SLC44A1: variants seen among roughly 807,000 people sequenced by gnomAD.
The protein encoded by SLC44A1 is solute carrier family 44 member 1, also known as choline transporter-like protein 1.
Under a neutral mutation model 79.3 loss-of-function variants are expected in SLC44A1, and 26 were observed. The observed-to-expected ratio is 0.33, with a 90% CI of 0.24 to 0.46. The LOEUF is 0.46. SLC44A1 is among the 20% of genes least tolerant of loss of function. The pLI, the probability that SLC44A1 is intolerant of heterozygous loss-of-function variation, is 1.00. For synonymous variants in SLC44A1, 263 were observed against 286.2 expected (o/e 0.92, Z 0.82); for missense variants, 688 against 798.1 (o/e 0.86, Z 1.66).
chr9:105,365,021 A>G (rs1016439420), intron 10 of SLC44A1, among the ~76,000 whole-genome samples: 5 of 152,220 alleles, frequency 3.3e-5, no homozygotes, highest in African/African-American at 1.2e-4. Context: ...TTTGCTTTAT[A>G]TAAAAGTCCA....
chr9:105,361,068 A>T, intron 7 of SLC44A1, 123 bp from the exon 8 acceptor site: 1 of 960,872 alleles, frequency 1.0e-6, no homozygotes, highest in South Asian at 1.4e-5. Context: ...CTTCCCAGCC[A>T]AATGGATTGT....
chr9:105,403,841 G>C (rs1338139563), intron 15 of SLC44A1, among the ~76,000 whole-genome samples: 2 of 98,348 alleles, frequency 2.0e-5, no homozygotes, highest in East Asian at 3.4e-4. Flanking sequence ...TGTAGGTGTG[G>C]GGACATGAAA....
At chr9:105,305,781 CAGTT>C (rs1454985424) in intron 2 of SLC44A1, among the ~76,000 whole-genome samples, 1 of 149,962 alleles carries the variant, frequency 6.7e-6, no homozygotes, top group African/African-American at 2.5e-5. Flanking sequence ...CTGCTTTGCT[CAGTT>C]ACTTAGTAAA....
At chr9:105,435,610 A>G (rs1829454137) in intron 15 of SLC44A1, among the ~76,000 whole-genome samples, 1 of 152,178 alleles carries the variant, frequency 6.6e-6, no homozygotes, top group Non-Finnish European at 1.5e-5. Context: ...GGCAGGAACT[A>G]GCTGTTTCTT....
chr9:105,404,879 A>G (rs889909269), intron 15 of SLC44A1, among the ~76,000 whole-genome samples: 38 of 152,232 alleles, frequency 2.5e-4, no homozygotes, highest in Non-Finnish European at 2.6e-4. Context: ...GTCATGTTTT[A>G]TAGGGATTGT....
intron 3 of SLC44A1, among the ~76,000 whole-genome samples, chr9:105,325,609 A>G (rs1052628588): frequency 6.6e-6 from 1 of 152,124 alleles, no homozygotes; most frequent in South Asian, 2.1e-4. Flanking sequence ...AAAGCCACCA[A>G]TTCCCCTCCC....
chr9:105,429,401 C>G (rs770566813), intron 15 of SLC44A1, among the ~76,000 whole-genome samples: 1 of 152,118 alleles, frequency 6.6e-6, no homozygotes, highest in Non-Finnish European at 1.5e-5. Flanking sequence ...CTTCTTGGCT[C>G]AAGCCATCCT....
At position 105,393,225 on chromosome 9, in the gene SLC44A1, T is replaced by G. The variant is rs910443092; in HGVS notation, c.*4169T>G. On this transcript the variant is annotated 3_prime_UTR_variant, in exon 16 of 16. Coordinates refer to ENST00000374720, the MANE Select transcript of SLC44A1 (RefSeq NM_080546.5). ...GCTTTAAATGCATATTCATGTATCT[T>G]TGTGTGCTAAGAATGCATGTTAGCC... 1 of 985,324 alleles carries G rather than the reference T, an allele frequency of 1.0e-6. No individual in the cohort carries two copies. Among genetic ancestry groups the G allele is most frequent in the African/African-American group, 1.7e-5 (1 of 57,258 alleles). 61.0% of individuals were successfully genotyped at this position (985,324 alleles called of 1,614,324 possible).
At chr9:105,323,224 A>G (rs1826455575) in intron 3 of SLC44A1, among the ~76,000 whole-genome samples, 2 of 151,514 alleles carry the variant, frequency 1.3e-5, no homozygotes, top group African/African-American at 4.8e-5. Flanking sequence ...TCAAAAAAAA[A>G]AAAAAAAAAA....
intron 3 of SLC44A1, among the ~76,000 whole-genome samples, chr9:105,311,534 G>A (rs1831180786): frequency 6.6e-6 from 1 of 152,096 alleles, no homozygotes; most frequent in African/African-American, 2.4e-5. Context: ...CAGTAGAGCA[G>A]GCTGCAAATA....
Position 105,364,477 on chromosome 9 carries a change from A to G in SLC44A1, c.1088-78A>G, listed in dbSNP as rs1002424273. 3.1e-6 allele frequency: 4 copies of G among 1,274,610 alleles called. No individual in the cohort carries two copies. The African/African-American group carries it at 4.5e-5, about 14-fold the overall frequency. The allele number at this position is 1,274,610 out of a possible 1,614,324, so 79.0% of individuals were successfully genotyped here. ...GGTTTGTGGCTTGGGGTAGGGACCT[A>G]TTGCCTTCTACTTAACTGCCGTATT... On this transcript the variant is annotated intron_variant, in intron 9 of 15. Coordinates refer to ENST00000374720, the MANE Select transcript of SLC44A1 (RefSeq NM_080546.5).
chr9:105,294,824 C>T (rs327987), intron 1 of SLC44A1: 19,844 of 147,008 alleles, frequency 0.13, 1,669 homozygotes, highest in African/African-American at 0.24. Flanking sequence ...TGTTATTATC[C>T]TATAGTTCTT....
intron 15 of SLC44A1, among the ~76,000 whole-genome samples, chr9:105,403,722 G>A (rs1828988447): frequency 6.7e-6 from 1 of 149,516 alleles, no homozygotes; most frequent in Non-Finnish European, 1.5e-5. Context: ...CCAGGGAGGT[G>A]GGGCTGTAAT....
intron 15 of SLC44A1, chr9:105,385,747 C>T (rs1320702635): frequency 2.2e-5 from 22 of 985,234 alleles, no homozygotes; most frequent in South Asian, 4.7e-5. Context: ...TCGGCAGGGG[C>T]GGGTAGGGGA....
chr9:105,303,584 C>T (rs1830936908), intron 2 of SLC44A1, among the ~76,000 whole-genome samples: 1 of 152,162 alleles, frequency 6.6e-6, no homozygotes, highest in Non-Finnish European at 1.5e-5. Flanking sequence ...AGGACGTATA[C>T]ATTGTTGTTA....
Position 105,362,946 on chromosome 9 carries a change from C to G in SLC44A1, c.1026C>G (p.Phe342Leu), listed in dbSNP as rs1357975522. Residue 342 changes from phenylalanine (F) to leucine (L), a missense_variant, in exon 9 of 16, where the codon TTC becomes TTG. Physicochemically the swap from Phe to Leu is conservative, Grantham distance 22. Transcript: ENST00000374720. Reference protein sequence around the residue: ...PLLVFQPFWTFFALVLFWVYW... With the variant: ...PLLVFQPFWTLFALVLFWVYW... ...TAGTCTTCCAACCCTTCTGGACTTT[C>G]TTTGCTCTTGTCTTGTTTTGGGTGT... is the stretch of plus-strand genomic sequence containing the variant. The G allele has an allele frequency of 6.2e-7, 1 of 1,613,888 alleles. No individual in the cohort carries two copies. Among genetic ancestry groups the G allele is most frequent in the Non-Finnish European group, 8.5e-7 (1 of 1,179,932 alleles).
intron 15 of SLC44A1, among the ~76,000 whole-genome samples, chr9:105,409,482 C>T (rs11506820): frequency 0.075 from 11,369 of 152,130 alleles, 1,396 homozygotes; most frequent in African/African-American, 0.26. Flanking sequence ...CCTAGGTGTT[C>T]GAGACCAGCC....
chr9:105,245,585 G>A (rs1414349964), intron 1 of SLC44A1, among the ~76,000 whole-genome samples: 2 of 152,226 alleles, frequency 1.3e-5, no homozygotes, highest in Non-Finnish European at 2.9e-5. Context: ...CTGCGGGAGC[G>A]CCGACTCTGG....
At chr9:105,429,226 A>T (rs1292423665) in intron 15 of SLC44A1, among the ~76,000 whole-genome samples, 1 of 152,224 alleles carries the variant, frequency 6.6e-6, no homozygotes, top group Non-Finnish European at 1.5e-5. Flanking sequence ...AACTGAAAGG[A>T]TATAAAACCA....
Sources: allele counts gnomAD v4.1 joint callset (sites outside exome capture counted in the v4.1 genomes callset), GRCh38; gene constraint gnomAD v4.1.1; transcripts MANE v1.5; gene names NCBI Gene and HGNC (gene_info 2026-07-23, HGNC 2026-07-21).